Variants in PSIP1 observed in about 807,000 individuals in gnomAD.
The protein encoded by PSIP1 is PC4 and SRSF1 interacting protein 1.
PSIP1 carries 19 observed loss-of-function variants against 74.7 expected under a neutral mutation model. The observed-to-expected ratio is 0.25, with a 90% CI of 0.18 to 0.37. The LOEUF (loss-of-function observed/expected upper bound fraction) is 0.37. PSIP1 is among the 10% of genes least tolerant of loss of function. The pLI is 1.00. For missense variants in PSIP1, 601 were observed against 614.3 expected, an observed-to-expected ratio of 0.98 and a Z score of 0.23; for synonymous variants, 222 against 195.3, an observed-to-expected ratio of 1.14 and a Z score of -1.14.
At chr9:15,479,434 C>T (rs1368584358) in intron 7 of PSIP1, among the ~76,000 whole-genome samples, 157 bp downstream of exon 7, 1 of 152,106 alleles carries the variant, frequency 6.6e-6, no homozygotes, top group East Asian at 1.9e-4. Context: ...TACTTTGAAA[C>T]AGAGCACAAA....
In PSIP1 at chr9:15,478,567, GA is replaced by G. The variant is rs755076249; in HGVS notation, c.554-16del. 153 of 1,546,718 alleles carry G rather than the reference GA, an allele frequency of 9.9e-5. No homozygotes were observed. Among genetic ancestry groups the G allele is most frequent in the Middle Eastern group, 6.8e-4 (4 of 5,910 alleles). ...GACTTCTGTAGCTAATATACACATG[GA>G]AAAAAAATCAGTAACTACTAGTTTC... On this transcript the variant is annotated splice_polypyrimidine_tract_variant and intron_variant, in intron 7 of 15. Transcript: ENST00000380733.
intron 9 of PSIP1, 138 bp from the exon 10 acceptor site, chr9:15,472,888 CTT>C (rs2035901735): frequency 2.7e-6 from 2 of 742,890 alleles, no homozygotes; most frequent in Admixed American, 5.9e-5. Flanking sequence ...TAAAAATAGT[CTT>C]TGAATTACAC....
intron 6 of PSIP1, 126 bp from the exon 7 acceptor site, chr9:15,479,813 CTT>C (rs1226168951): frequency 7.6e-6 from 4 of 526,610 alleles, no homozygotes; most frequent in Non-Finnish European, 1.3e-5. Flanking sequence ...TCTATATGAT[CTT>C]TTGTTTTTTC....
chr9:15,500,755 G>A (rs993597730), intron 3 of PSIP1, among the ~76,000 whole-genome samples: 1 of 152,092 alleles, frequency 6.6e-6, no homozygotes, highest in Admixed American at 6.6e-5. Flanking sequence ...CAACTTCTTT[G>A]CATTAAGACA....
At chr9:15,499,718 A>T (rs2037243391) in intron 3 of PSIP1, among the ~76,000 whole-genome samples, 1 of 152,138 alleles carries the variant, frequency 6.6e-6, no homozygotes, top group Non-Finnish European at 1.5e-5. Context: ...TACTGAAAGT[A>T]CAAAAATTAG....
chr9:15,498,683 A>G (rs1161949670), intron 3 of PSIP1, among the ~76,000 whole-genome samples: 1 of 152,156 alleles, frequency 6.6e-6, no homozygotes. Context: ...AATCCTTAAT[A>G]TGCTAAGTAA....
Position 15,474,232 on chromosome 9 carries a change from G to C in PSIP1, c.635C>G (p.Thr212Ser), listed in dbSNP as rs752625332. ...QPCPSESDII[T>S]EEDKSKKKGQ... ...CTTTTTCTTACTTTTGTCCTCTTCA[G>C]TAATGCTATTTTAGAGAACATAACA... The change falls in exon 9 of 16, where the codon ACT becomes AGT. Residue 212 changes from threonine (T) to serine (S), a missense_variant. By Grantham distance (58) the Thr-to-Ser change is moderately conservative. This residue lies in a region of PSIP1 where 538 missense variants were observed against 507.6 expected (regional missense o/e 1.06). Coordinates refer to ENST00000380733, the MANE Select transcript of PSIP1 (RefSeq NM_033222.5). 6.2e-7 allele frequency: 1 copy of C among 1,604,678 alleles called. No individual in the cohort carries two copies. The highest frequency in any genetic ancestry group is 2.2e-5 in the East Asian group (1 of 44,756).
rs567174510 is a variant in PSIP1 at position 15,484,726 on chromosome 9, C to CAAAACA, written c.456+1274_456+1279dup. Among the ~76,000 whole-genome samples the CAAAACA allele has an allele frequency of 2.5e-4, 38 of 150,050 alleles. No homozygotes were observed. In the East Asian group the frequency reaches 4.8e-3, roughly 19 times the overall value. Reference sequence around the variant, plus strand: ...GGGGCAACAGTGTGAGAATCCGTCTCAAAACAAAAACAAAAACAAAACAAA... The same window carrying CAAAACA: ...GGGGCAACAGTGTGAGAATCCGTCTCAAAACAAAAACAAAAACAAAAACAAAACAAA... On this transcript the variant is annotated intron_variant, in intron 6 of 15. Transcript: ENST00000380733.
intron 3 of PSIP1, among the ~76,000 whole-genome samples, chr9:15,501,136 C>A (rs748728114): frequency 2.0e-5 from 3 of 151,940 alleles, no homozygotes; most frequent in Non-Finnish European, 2.9e-5. Context: ...ATATAAGTAA[C>A]CTGCCCAAGG....
intron 3 of PSIP1, among the ~76,000 whole-genome samples, chr9:15,499,062 G>C (rs1239160420): frequency 6.6e-6 from 1 of 152,136 alleles, no homozygotes; most frequent in Non-Finnish European, 1.5e-5. Flanking sequence ...AGGAAACTGA[G>C]GGATCACCAA....
intron 6 of PSIP1, among the ~76,000 whole-genome samples, chr9:15,484,687 A>C (rs12337310): frequency 0.07 from 10,697 of 152,064 alleles, 510 homozygotes; most frequent in African/African-American, 0.14. Flanking sequence ...AGATGGCGCC[A>C]CTGCACTTCA....
chr9:15,480,721 T>C (rs571624497), intron 6 of PSIP1, among the ~76,000 whole-genome samples: 134 of 152,262 alleles, frequency 8.8e-4, no homozygotes, highest in African/African-American at 3.1e-3. Context: ...TAGAAGTTCA[T>C]GACCAGCCTG....
Position 15,486,713 on chromosome 9 carries a change from A to G in PSIP1, c.393+114T>C, listed in dbSNP as rs2036569353. On this transcript the variant is annotated intron_variant, in intron 5 of 15. Coordinates refer to ENST00000380733, the MANE Select transcript of PSIP1 (RefSeq NM_033222.5). ...GGAAATAAGCCTTAAATATTTTCTAATTCACTTTTGAAGTACTTTAAAAAT... is the reference window on the plus strand; with the variant it reads ...GGAAATAAGCCTTAAATATTTTCTAGTTCACTTTTGAAGTACTTTAAAAAT... The G allele has an allele frequency of 4.0e-6, 3 of 743,862 alleles. No individual in the cohort carries two copies. The South Asian group carries it at 4.9e-5, about 12-fold the overall frequency. 46.1% of individuals were successfully genotyped at this position (743,862 alleles called of 1,614,324 possible). A position where few individuals can be genotyped will look rare whatever the true frequency, so the allele number is the denominator to read the frequency against.
intron 6 of PSIP1, among the ~76,000 whole-genome samples, chr9:15,481,815 G>A (rs1382942786): frequency 6.6e-6 from 1 of 152,094 alleles, no homozygotes; most frequent in Non-Finnish European, 1.5e-5. Flanking sequence ...ATGCACGTGT[G>A]TTCATGACTA....
At chr9:15,494,709 A>G (rs572271625) in intron 3 of PSIP1, among the ~76,000 whole-genome samples, 81 of 152,134 alleles carry the variant, frequency 5.3e-4, no homozygotes, top group Non-Finnish European at 1.0e-3. Flanking sequence ...TTTCAAAGTA[A>G]TATTATTATG....
At chr9:15,477,924 G>A (rs2036161023) in intron 8 of PSIP1, among the ~76,000 whole-genome samples, 1 of 151,768 alleles carries the variant, frequency 6.6e-6, no homozygotes, top group Admixed American at 6.6e-5. Context: ...AATCGTTTGA[G>A]CCCAGGAGTT....
At chr9:15,469,487 A>C in intron 11 of PSIP1, 151 bp from the exon 12 acceptor site, 1 of 560,090 alleles carries the variant, frequency 1.8e-6, no homozygotes. Context: ...CAATAGCTTA[A>C]CTAAGAATAA....
chr9:15,490,181 T>C, intron 3 of PSIP1, 57 bp from the exon 4 acceptor site: 1 of 1,429,526 alleles, frequency 7.0e-7, no homozygotes. Flanking sequence ...CATAATTTAT[T>C]AGATAAGACA....
chr9:15,488,155 C>T (rs1434058094), intron 4 of PSIP1, among the ~76,000 whole-genome samples: 1 of 150,420 alleles, frequency 6.6e-6, no homozygotes. Context: ...ATGGTGAAAC[C>T]CCATCTCTAC....
Sources: allele counts gnomAD v4.1 joint callset (sites outside exome capture counted in the v4.1 genomes callset), GRCh38; gene constraint gnomAD v4.1.1; regional missense constraint gnomAD v4.1.1; transcripts MANE v1.5; gene names NCBI Gene and HGNC (gene_info 2026-07-23, HGNC 2026-07-21).